Variants in RBFOX3 observed in about 807,000 individuals in gnomAD.
RBFOX3 encodes the protein RNA binding protein fox-1 homolog 3.
A neutral mutation model predicts 48.7 loss-of-function variants in RBFOX3; 17 were observed. That is an observed-to-expected ratio of 0.35 (90% CI 0.24 to 0.52). The LOEUF is 0.52. Among genes scored for constraint, RBFOX3 ranks in the 20% least tolerant of loss-of-function variants. RBFOX3 has a pLI of 0.94. For missense variants in RBFOX3, 382 were observed against 497.5 expected (o/e 0.77, Z 2.21); for synonymous variants, 212 against 209.5 (o/e 1.01, Z -0.10).
chr17:79,421,427 T>C lies in RBFOX3; in HGVS notation c.-175+61027A>G, dbSNP rs1281792179. Among the ~76,000 whole-genome samples the C allele has an allele frequency of 6.6e-6, 1 of 152,094 alleles. No individual in the cohort carries two copies. The highest frequency in any genetic ancestry group is 1.5e-5 in the Non-Finnish European group (1 of 68,006). ...GCTGGGCCTGGCTGCCTGCCAAGCC[T>C]AGGGGCCTCTCCAGAGCCCACGGAC... On this transcript the variant is annotated intron_variant, in intron 2 of 14. Coordinates refer to ENST00000693108, the MANE Select transcript of RBFOX3 (RefSeq NM_001350451.2). The surrounding 1 kb of genome is among the most constrained non-coding windows in gnomAD (Gnocchi z 4.5).
intron 3 of RBFOX3, among the ~76,000 whole-genome samples, chr17:79,291,457 G>T (rs561314313): frequency 6.6e-6 from 1 of 152,274 alleles, no homozygotes; most frequent in South Asian, 2.1e-4. Flanking sequence ...TGCAGCCCTC[G>T]GCTTCAAGTG....
chr17:79,383,547 C>G (rs1310182262), intron 2 of RBFOX3, among the ~76,000 whole-genome samples: 1 of 152,240 alleles, frequency 6.6e-6, no homozygotes, highest in Non-Finnish European at 1.5e-5. Flanking sequence ...AACACGCATC[C>G]CTGGAGGAGT....
intron 1 of RBFOX3, among the ~76,000 whole-genome samples, chr17:79,553,927 T>A: frequency 6.6e-6 from 1 of 152,200 alleles, no homozygotes; most frequent in East Asian, 1.9e-4. Context: ...AGAGATAGGG[T>A]TTCACCACGT....
chr17:79,405,288 G>A (rs763712897), intron 2 of RBFOX3, among the ~76,000 whole-genome samples: 8 of 152,048 alleles, frequency 5.3e-5, no homozygotes, highest in African/African-American at 7.2e-5. Context: ...TCCACCCTCC[G>A]CCGCCCGACA....
At chr17:79,188,492 A>T (rs1402846685) in intron 4 of RBFOX3, among the ~76,000 whole-genome samples, 2 of 152,252 alleles carry the variant, frequency 1.3e-5, no homozygotes, top group African/African-American at 4.8e-5. Context: ...AATTAAACAT[A>T]ATAAATACAG....
chr17:79,388,203 C>T (rs543866322), intron 2 of RBFOX3, among the ~76,000 whole-genome samples: 3 of 152,314 alleles, frequency 2.0e-5, no homozygotes, highest in Admixed American at 6.5e-5. Flanking sequence ...GCCATAACTA[C>T]GCAGCCCCCA....
intron 2 of RBFOX3, among the ~76,000 whole-genome samples, chr17:79,410,814 T>C (rs2064208326): frequency 6.6e-6 from 1 of 152,156 alleles, no homozygotes; most frequent in Admixed American, 6.5e-5. Context: ...CTCAGTTGCT[T>C]TGCAGGCTGC....
chr17:79,365,020 T>G (rs1270516805), intron 2 of RBFOX3, among the ~76,000 whole-genome samples: 1 of 152,088 alleles, frequency 6.6e-6, no homozygotes, highest in Non-Finnish European at 1.5e-5. Flanking sequence ...GGGCCAGTCT[T>G]GGACACATTA....
At chr17:79,313,911 G>T (rs557342111) in intron 2 of RBFOX3, among the ~76,000 whole-genome samples, 1 of 152,324 alleles carries the variant, frequency 6.6e-6, no homozygotes, top group Admixed American at 6.5e-5. Context: ...AATACCTTCA[G>T]CCTCTGAAAA....
chr17:79,118,370 G>A (rs1424351418), intron 4 of RBFOX3, among the ~76,000 whole-genome samples: 1 of 152,184 alleles, frequency 6.6e-6, no homozygotes, highest in South Asian at 2.1e-4. Flanking sequence ...GGTAGCTGGT[G>A]AGGCCCCATC....
intron 3 of RBFOX3, among the ~76,000 whole-genome samples, chr17:79,278,527 A>T (rs1460228453): frequency 7.5e-6 from 1 of 132,728 alleles, no homozygotes; most frequent in African/African-American, 2.9e-5. Flanking sequence ...CCTTGCAGTG[A>T]GGTGGGGAAC....
chr17:79,218,147 A>C (rs1451430390), intron 4 of RBFOX3, among the ~76,000 whole-genome samples: 2 of 150,454 alleles, frequency 1.3e-5, no homozygotes, highest in African/African-American at 4.9e-5. Flanking sequence ...CTCATTTTTG[A>C]GTGTGAGTTT....
chr17:79,460,500 C>T (rs2075238864), intron 2 of RBFOX3, among the ~76,000 whole-genome samples: 1 of 152,196 alleles, frequency 6.6e-6, no homozygotes, highest in African/African-American at 2.4e-5. Flanking sequence ...ACGCCCTCAG[C>T]CTCAAGCCCC....
At chr17:79,627,692 T>C in the RBFOX3 span, among the ~76,000 whole-genome samples, 1 of 152,158 alleles carries the variant, frequency 6.6e-6, no homozygotes, top group Non-Finnish European at 1.5e-5. Flanking sequence ...GCTGGGGTGG[T>C]AGGGAGGAGA....
chr17:79,160,980 CA>C (rs58561038), intron 4 of RBFOX3, among the ~76,000 whole-genome samples: 30,509 of 107,024 alleles, frequency 0.29, 3,536 homozygotes, highest in African/African-American at 0.4. Context: ...GACTCCATCT[CA>C]AAAAAAAAAA....
At chr17:79,106,344 G>A (rs540220738) in intron 6 of RBFOX3, among the ~76,000 whole-genome samples, 1 of 152,300 alleles carries the variant, frequency 6.6e-6, no homozygotes, top group African/African-American at 2.4e-5. Context: ...GAGCTCAGGT[G>A]GTCTGGGGGG....
chr17:79,305,467 G>A (rs1031429635), intron 3 of RBFOX3, among the ~76,000 whole-genome samples: 1 of 152,224 alleles, frequency 6.6e-6, no homozygotes, highest in African/African-American at 2.4e-5. Context: ...TCAGAGCCAC[G>A]TGTTTCCACC....
intron 4 of RBFOX3, among the ~76,000 whole-genome samples, chr17:79,150,998 G>A (rs572692261): frequency 1.3e-5 from 2 of 152,298 alleles, no homozygotes; most frequent in South Asian, 4.1e-4. Context: ...GCTGCTGTGC[G>A]GCTCTCACCA....
At chr17:79,309,751 G>C (rs2076586081) in intron 2 of RBFOX3, among the ~76,000 whole-genome samples, 1 of 152,144 alleles carries the variant, frequency 6.6e-6, no homozygotes, top group Non-Finnish European at 1.5e-5. Context: ...TCTTGTGATG[G>C]TGAGTGAGTT....
Sources: allele counts gnomAD v4.1 joint callset (sites outside exome capture counted in the v4.1 genomes callset), GRCh38; gene constraint gnomAD v4.1.1; non-coding constraint Gnocchi (gnomAD v3.1); transcripts MANE v1.5; gene names NCBI Gene and HGNC (gene_info 2026-07-23, HGNC 2026-07-21).